The following LRRC73 variants were observed in gnomAD, a reference collection of about 807,000 sequenced individuals.
LRRC73 encodes the protein leucine-rich repeat-containing protein 73.
A neutral mutation model predicts 26.4 loss-of-function variants in LRRC73; 16 were observed. That is an observed-to-expected ratio of 0.61 (90% CI 0.41 to 0.92). The LOEUF (loss-of-function observed/expected upper bound fraction) is 0.92, where lower values mean the gene tolerates loss of function less well. Among genes scored for constraint, LRRC73 ranks in the 40% least tolerant of loss-of-function variants. The pLI, the probability that LRRC73 is intolerant of heterozygous loss-of-function variation, is 0.00. For missense variants in LRRC73, 344 were observed against 416.3 expected, an observed-to-expected ratio of 0.83 and a Z score of 1.51; for synonymous variants, 210 against 179.8, an observed-to-expected ratio of 1.17 and a Z score of -1.34.
rs750786117 is a variant in LRRC73, at chr6:43,508,938, A to C, written c.273-18T>G. ...CATGCAGGCTGGAGGAGAGTGAGAGAGCAGGGTTACTGCAGTCCTCCGCAC... is the reference window on the plus strand; with the variant it reads ...CATGCAGGCTGGAGGAGAGTGAGAGCGCAGGGTTACTGCAGTCCTCCGCAC... On this transcript the variant is annotated intron_variant, in intron 1 of 5. Coordinates refer to ENST00000372441, the Ensembl canonical transcript of LRRC73. 2 of 1,576,600 alleles carry C rather than the reference A, an allele frequency of 1.3e-6. No individual in the cohort carries two copies. The highest frequency in any genetic ancestry group is 2.7e-5 in the African/African-American group (2 of 73,960).
intron 2 of LRRC73, 64 bp downstream of exon 2, chr6:43,508,696 C>T: frequency 6.5e-7 from 1 of 1,536,150 alleles, no homozygotes; most frequent in African/African-American, 1.4e-5. Flanking sequence ...ACACCCCCTT[C>T]CCTCTGCATT....
chr6:43,507,279 A>G (rs1561848976), exon 6 of LRRC73: 5 of 1,613,956 alleles, frequency 3.1e-6, no homozygotes, highest in Admixed American at 1.7e-5. Flanking sequence ...CCTAGTCCTG[A>G]CGTCATTAGC....
exon 3 of LRRC73, chr6:43,508,304 G>A (rs1440370214): frequency 6.2e-7 from 1 of 1,611,872 alleles, no homozygotes; most frequent in African/African-American, 1.3e-5. Context: ...TCACCCAGGG[G>A]GTTGTAATCC....
exon 3 of LRRC73, chr6:43,508,332 C>T: frequency 1.2e-6 from 2 of 1,613,504 alleles, no homozygotes; most frequent in African/African-American, 1.3e-5. Flanking sequence ...GGACGCGGAC[C>T]TGGGAGCTGT....
At chr6:43,509,559 T>A (rs1792602472) in exon 1 of LRRC73, 1 of 1,610,246 alleles carries the variant, frequency 6.2e-7, no homozygotes, top group Non-Finnish European at 8.5e-7. Context: ...CTCAGCCAGC[T>A]GCTTGATGCG....
chr6:43,507,127 G>T, exon 6 of LRRC73: 2 of 1,128,402 alleles, frequency 1.8e-6, no homozygotes, highest in Non-Finnish European at 2.6e-6. Flanking sequence ...GAGCCCCCAT[G>T]CAGCCCCTGA....
At chr6:43,507,116 A>G (rs1792513409) in exon 6 of LRRC73, 1 of 987,700 alleles carries the variant, frequency 1.0e-6, no homozygotes, top group Non-Finnish European at 1.5e-6. Flanking sequence ...AGGAGCTGCC[A>G]GAGCCCCCAT....
At chr6:43,507,194 G>A (rs746828603) in exon 6 of LRRC73, 45 of 1,604,020 alleles carry the variant, frequency 2.8e-5, no homozygotes, top group African/African-American at 1.7e-4. Flanking sequence ...CAAGGTGCTC[G>A]GGACATAGAT....
intron 1 of LRRC73, 53 bp from the exon 2 acceptor site, chr6:43,508,973 G>A (rs1792586030): frequency 6.9e-7 from 1 of 1,458,086 alleles, no homozygotes. Flanking sequence ...CTATCTACAT[G>A]GGAAAGGGGC....
At chr6:43,508,959 C>G in intron 1 of LRRC73, 39 bp from the exon 2 acceptor site, 2 of 1,515,656 alleles carry the variant, frequency 1.3e-6, no homozygotes, top group Non-Finnish European at 1.8e-6. Context: ...TGCAGTCCTC[C>G]GCACTATCTA....
chr6:43,507,550 TTCCTCCTCCTCCTC>T lies in LRRC73; in HGVS notation c.772_785del (p.Glu258SerfsTer51). The T allele has an allele frequency of 6.2e-7, 1 of 1,613,786 alleles. No individual in the cohort carries two copies. Among genetic ancestry groups the T allele is most frequent in the South Asian group, 1.1e-5 (1 of 91,076 alleles). ...GGGTGTCGCCAGCCCCTCCTGCCAC[TTCCTCCTCCTCCTC>T]TCCCTCAGAGAGGAGGTCACAGATC... On this transcript the variant is annotated frameshift_variant, in exon 5 of 6. Transcript: ENST00000372441. LOFTEE classifies it high-confidence loss of function.
exon 2 of LRRC73, chr6:43,508,801 T>A: frequency 6.2e-7 from 1 of 1,612,938 alleles, no homozygotes; most frequent in Non-Finnish European, 8.5e-7. Flanking sequence ...ACAGATGAGG[T>A]TGATGGCTTC....
At chr6:43,509,659 G>A (rs1389283469) in exon 1 of LRRC73, 3 of 1,596,566 alleles carry the variant, frequency 1.9e-6, no homozygotes, top group Non-Finnish European at 2.6e-6. Flanking sequence ...CCAAAGTCGC[G>A]GTCGCAGAGG....
In LRRC73 at chr6:43,509,498, G is replaced by A; in HGVS notation, c.272+16C>T. 1 of 1,592,348 alleles carries A rather than the reference G, an allele frequency of 6.3e-7. No individual in the cohort carries two copies. Among genetic ancestry groups the A allele is most frequent in the Middle Eastern group, 2.1e-4 (1 of 4,784 alleles). On this transcript the variant is annotated intron_variant, in intron 1 of 5. Coordinates refer to ENST00000372441, the Ensembl canonical transcript of LRRC73. ...GGTGCAGTGCCCGGGACCCCCTTGC[G>A]AGGGGGCGCACTCACAAGAGGGACT... is the stretch of plus-strand genomic sequence containing the variant.
intron 1 of LRRC73, 57 bp downstream of exon 1, chr6:43,509,457 G>A (rs1792600191): frequency 1.9e-6 from 3 of 1,542,718 alleles, no homozygotes; most frequent in Non-Finnish European, 8.7e-7. Flanking sequence ...GGAGGTGCCA[G>A]GGGAGTGTAT....
intron 1 of LRRC73, among the ~76,000 whole-genome samples, 193 bp from the exon 2 acceptor site, chr6:43,509,113 G>A (rs987412944): frequency 6.6e-6 from 1 of 151,330 alleles, no homozygotes; most frequent in Non-Finnish European, 1.5e-5. Context: ...GTTTTCTGGG[G>A]CAGGGATCCA....
At position 43,509,868 on chromosome 6, in the gene LRRC73, T is replaced by C. The variant is rs1231926840; in HGVS notation, c.-83A>G. ...GGCGGGGCCGGGGATAGGGCCGGGG[T>C]CGGGGCCCCGGCAGGGGTCGCGGGC... is the stretch of plus-strand genomic sequence containing the variant. On this transcript the variant is annotated 5_prime_UTR_variant, in exon 1 of 6. Coordinates refer to ENST00000372441, the Ensembl canonical transcript of LRRC73. 5 of 1,258,302 alleles carry C rather than the reference T, an allele frequency of 4.0e-6. No homozygotes were observed. The African/African-American group carries it at 6.4e-5, about 16-fold the overall frequency. The allele number at this position is 1,258,302 out of a possible 1,614,324, so 77.9% of individuals were successfully genotyped here.
chr6:43,507,822 C>T lies in LRRC73; in HGVS notation c.657+4G>A, dbSNP rs1380634399. Reference sequence around the variant, plus strand: ...GGCCGTGCCCAAACATGACGACTTCCCACCTGAGCTGACTGGTTGGTGAGC... The same window carrying T: ...GGCCGTGCCCAAACATGACGACTTCTCACCTGAGCTGACTGGTTGGTGAGC... On this transcript the variant is annotated splice_donor_region_variant and intron_variant, in intron 4 of 5. Coordinates refer to ENST00000372441, the Ensembl canonical transcript of LRRC73. The T allele has an allele frequency of 9.3e-6, 15 of 1,613,432 alleles. No individual in the cohort carries two copies. Among genetic ancestry groups the T allele is most frequent in the Non-Finnish European group, 1.2e-5 (14 of 1,179,640 alleles).
chr6:43,509,659 G>C, exon 1 of LRRC73: 1 of 1,596,566 alleles, frequency 6.3e-7, no homozygotes, highest in Non-Finnish European at 8.5e-7. Flanking sequence ...CCAAAGTCGC[G>C]GTCGCAGAGG....
Sources: allele counts gnomAD v4.1 joint callset (sites outside exome capture counted in the v4.1 genomes callset), GRCh38; gene constraint gnomAD v4.1.1; transcripts MANE v1.5; gene names NCBI Gene and HGNC (gene_info 2026-07-23, HGNC 2026-07-21).